CACNA1C: variants seen among roughly 807,000 people sequenced by gnomAD.
The protein encoded by CACNA1C is voltage-dependent L-type calcium channel subunit alpha-1C.
Under a neutral mutation model 229.0 loss-of-function variants are expected in CACNA1C, and 30 were observed. The observed-to-expected ratio is 0.13, with a 90% CI of 0.10 to 0.18. CACNA1C has a LOEUF of 0.18. CACNA1C is among the 10% of genes least tolerant of loss of function. CACNA1C has a pLI of 1.00. For synonymous variants in CACNA1C, 1,114 were observed against 1,132.5 expected, an observed-to-expected ratio of 0.98 and a Z score of 0.33; for missense variants, 1,658 against 2,845.0, an observed-to-expected ratio of 0.58 and a Z score of 9.49.
chr12:2,463,003 C>T (rs2099523057), intron 5 of CACNA1C, among the ~76,000 whole-genome samples: 2 of 148,462 alleles, frequency 1.3e-5, no homozygotes, highest in South Asian at 4.3e-4. Context: ...AGCTCCGCCT[C>T]CTGGGTTCAC....
chr12:2,028,193 T>C (rs970277859), intron 1 of CACNA1C, among the ~76,000 whole-genome samples: 3 of 152,230 alleles, frequency 2.0e-5, no homozygotes, highest in African/African-American at 7.2e-5. Context: ...TTTCAAATTG[T>C]ATTCCACAGA....
At chr12:2,606,573 T>G (rs369431168) in intron 24 of CACNA1C, 38 bp from the exon 25 acceptor site, 99 of 1,549,326 alleles carry the variant, frequency 6.4e-5, no homozygotes, top group Non-Finnish European at 7.9e-5. Context: ...ACTCATTGAT[T>G]ACTGAACATC....
In CACNA1C at chr12:2,653,369, A is replaced by C. The variant is rs1294221222; in HGVS notation, c.4075-466A>C. Among the ~76,000 whole-genome samples the C allele has an allele frequency of 6.6e-6, 1 of 152,154 alleles. No homozygotes were observed. Among genetic ancestry groups the C allele is most frequent in the Non-Finnish European group, 1.5e-5 (1 of 68,026 alleles). On this transcript the variant is annotated intron_variant, in intron 32 of 46. Coordinates refer to ENST00000399655, the MANE Select transcript of CACNA1C (RefSeq NM_000719.7). This position sits in a 1 kb window ranked among gnomAD's most constrained non-coding sequence, Gnocchi z 4.7. ...TGATCTTTCTTTTAAATTTTTCCTT[A>C]TTAAATGTTTCCATTGCAATAGTAA...
chr12:2,277,398 C>CAT (rs2089162285), intron 3 of CACNA1C, among the ~76,000 whole-genome samples: 2 of 142,196 alleles, frequency 1.4e-5, no homozygotes, highest in East Asian at 3.9e-4. Flanking sequence ...CACACACACA[C>CAT]ACACACACAC....
At chr12:1,974,202 T>C (rs536792020) in intron 1 of CACNA1C, among the ~76,000 whole-genome samples, 2 of 152,124 alleles carry the variant, frequency 1.3e-5, no homozygotes, top group African/African-American at 2.4e-5. Context: ...ATTGCTAATA[T>C]CAATAATTAT....
At chr12:2,031,902 A>G (rs911070891) in intron 1 of CACNA1C, among the ~76,000 whole-genome samples, 7 of 152,086 alleles carry the variant, frequency 4.6e-5, no homozygotes, top group African/African-American at 1.7e-4. Context: ...GTGTCTTTTC[A>G]TGAGTATGCA....
At chr12:2,508,726 T>A (rs2099777082) in intron 8 of CACNA1C, among the ~76,000 whole-genome samples, 1 of 152,328 alleles carries the variant, frequency 6.6e-6, no homozygotes, top group Admixed American at 6.5e-5. Flanking sequence ...ACCTCTTCTA[T>A]CTGGATCATG....
chr12:2,680,407 C>T (rs1252744271), intron 42 of CACNA1C: 2 of 1,560,826 alleles, frequency 1.3e-6, no homozygotes, highest in South Asian at 2.4e-5. Flanking sequence ...TTCCCTCCCG[C>T]CCTGGGCCCC....
chr12:2,385,313 G>C (rs1313622867), intron 3 of CACNA1C, among the ~76,000 whole-genome samples: 9 of 151,974 alleles, frequency 5.9e-5, no homozygotes. Flanking sequence ...CGGGCCAGAG[G>C]CTTTTCTGAT....
rs547587222 is a variant in CACNA1C at position 2,034,771 on chromosome 12, A to C, written c.139+63570A>C. ...GCCTCCTTCGTGCCAGGCTCTGCAGATATAGCTGTGAATAACAGATAGTCC... is the reference window on the plus strand; with the variant it reads ...GCCTCCTTCGTGCCAGGCTCTGCAGCTATAGCTGTGAATAACAGATAGTCC... On this transcript the variant is annotated intron_variant, in intron 1 of 46. Coordinates refer to the CACNA1C transcript ENST00000682462. This position sits in a 1 kb window ranked among gnomAD's most constrained non-coding sequence, Gnocchi z 4.1. Among the ~76,000 whole-genome samples, 19 of 152,348 alleles carry C rather than the reference A, an allele frequency of 1.2e-4. No individual in the cohort carries two copies. Among genetic ancestry groups the C allele is most frequent in the African/African-American group, 4.3e-4 (18 of 41,586 alleles).
At position 2,504,662 on chromosome 12, in the gene CACNA1C, G is replaced by T. The variant is rs1196172260; in HGVS notation, c.1114-180G>T. 6.5e-6 allele frequency: 5 copies of T among 771,686 alleles called. No homozygotes were observed. In the African/African-American group the frequency reaches 8.6e-5, roughly 13 times the overall value. The allele number at this position is 771,686 out of a possible 1,614,324, so 47.8% of individuals were successfully genotyped here. Reference sequence around the variant, plus strand: ...ACAGGCCCAGGAAAACCACAACAAAGCCTCTGTTCAACCACAGATTCTGAC... The same window carrying T: ...ACAGGCCCAGGAAAACCACAACAAATCCTCTGTTCAACCACAGATTCTGAC... On this transcript the variant is annotated intron_variant, in intron 7 of 46. Transcript: ENST00000399655. The surrounding 1 kb of genome is among the most constrained non-coding windows in gnomAD (Gnocchi z 6.8).
In CACNA1C at chr12:2,651,873, T is replaced by A; in HGVS notation, c.4074+105T>A. On this transcript the variant is annotated intron_variant, in intron 32 of 46. Coordinates refer to ENST00000399655, the MANE Select transcript of CACNA1C (RefSeq NM_000719.7). This position sits in a 1 kb window ranked among gnomAD's most constrained non-coding sequence, Gnocchi z 5.4. ...GCCCTCCACTCTGGGGCCCTGCTCC[T>A]TCCTCTGTGTGGCAGAACTCGGCCG... 1 of 879,412 alleles carries A rather than the reference T, an allele frequency of 1.1e-6. No homozygotes were observed. 54.5% of individuals were successfully genotyped at this position (879,412 alleles called of 1,614,324 possible). A position where few individuals can be genotyped will look rare whatever the true frequency, so the allele number is the denominator to read the frequency against.
At chr12:2,522,890 T>C (rs1475440288) in intron 9 of CACNA1C, among the ~76,000 whole-genome samples, 1 of 152,128 alleles carries the variant, frequency 6.6e-6, no homozygotes, top group Non-Finnish European at 1.5e-5. Context: ...CTCGGAAAAG[T>C]TAACGTATTC....
chr12:1,971,083 G>C lies in CACNA1C; in HGVS notation c.21G>C (p.Gln7His). ...TCACAATGCTTCGAGCCTTTGTTCA[G>C]CCTGGTACGCCTGCATACCAGCCGC... Residue 7 changes from glutamine (Q) to histidine (H), a missense_variant, in exon 1 of 47, where the codon CAG (glutamine) becomes CAC (histidine). Gln to His is a conservative substitution (Grantham distance 24). Transcript: ENST00000682462. This position sits in a 1 kb window ranked among gnomAD's most constrained non-coding sequence, Gnocchi z 4.2. The C allele has an allele frequency of 7.8e-7, 1 of 1,289,376 alleles. No homozygotes were observed. Among genetic ancestry groups the C allele is most frequent in the South Asian group, 1.2e-5 (1 of 80,990 alleles). The allele number at this position is 1,289,376 out of a possible 1,614,324, so 79.9% of individuals were successfully genotyped here.
intron 1 of CACNA1C, among the ~76,000 whole-genome samples, chr12:2,106,287 T>C (rs12818679): frequency 9.6e-4 from 29 of 30,160 alleles, no homozygotes; most frequent in South Asian, 1.6e-3. Context: ...GGAGGATTTC[T>C]ACCTCATCTG....
Position 2,619,394 on chromosome 12 carries a change from C to T in CACNA1C, c.3828+7381C>T, listed in dbSNP as rs548426854. Among the ~76,000 whole-genome samples the T allele has an allele frequency of 2.6e-5, 4 of 152,342 alleles. No homozygotes were observed. The South Asian group carries it at 8.3e-4, about 32-fold the overall frequency. On this transcript the variant is annotated intron_variant, in intron 29 of 46. Coordinates refer to ENST00000399655, the MANE Select transcript of CACNA1C (RefSeq NM_000719.7). ...GCACCAAAGGAACTTCACCTCCAGC[C>T]TGGGTGTGCCCTCTTGTCTGTGACC...
intron 9 of CACNA1C, among the ~76,000 whole-genome samples, chr12:2,514,114 A>G (rs1598561905): frequency 6.6e-6 from 1 of 152,330 alleles, no homozygotes; most frequent in East Asian, 1.9e-4. Context: ...AGAGCCATCC[A>G]GGGCATTTGC....
chr12:2,230,312 C>T (rs1265100838), intron 3 of CACNA1C, among the ~76,000 whole-genome samples: 1 of 152,182 alleles, frequency 6.6e-6, no homozygotes, highest in Non-Finnish European at 1.5e-5. Context: ...CCGCCAGGGC[C>T]TGCTGAGGGC....
intron 29 of CACNA1C, among the ~76,000 whole-genome samples, chr12:2,629,307 C>CTTT (rs66715867): frequency 3.3e-5 from 5 of 151,912 alleles, no homozygotes; most frequent in Non-Finnish European, 5.9e-5. Context: ...TCATCCCATC[C>CTTT]CTTTTCCCAC....
Sources: gnomAD v4.1 joint callset for allele counts (sites outside exome capture counted in the v4.1 genomes callset) on GRCh38, gnomAD v4.1.1 for gene constraint, Gnocchi (gnomAD v3.1) non-coding constraint, MANE v1.5 for transcripts, NCBI Gene and HGNC (gene_info 2026-07-23, HGNC 2026-07-21) for gene names.